Variants in AOPEP observed in about 807,000 individuals in gnomAD.
AOPEP encodes the protein aminopeptidase O (putative), also known as aminopeptidase O.
AOPEP carries 77 observed loss-of-function variants against 98.1 expected under a neutral mutation model. That is an observed-to-expected ratio of 0.78 (90% CI 0.65 to 0.95). The LOEUF is 0.95. AOPEP is among the 40% of genes least tolerant of loss of function. AOPEP has a pLI of 0.00. For synonymous variants in AOPEP, 346 were observed against 365.3 expected, an observed-to-expected ratio of 0.95 and a Z score of 0.60; for missense variants, 1,024 against 1,024.7, an observed-to-expected ratio of 1.00 and a Z score of 0.01.
At chr9:94,968,898 A>G (rs532212434) in intron 10 of AOPEP, among the ~76,000 whole-genome samples, 1 of 152,204 alleles carries the variant, frequency 6.6e-6, no homozygotes, top group Non-Finnish European at 1.5e-5. Context: ...AGTGATTATT[A>G]TAAGCCAACA....
At chr9:95,074,803 C>G (rs115540419) in intron 14 of AOPEP, among the ~76,000 whole-genome samples, 2,288 of 152,324 alleles carry the variant, frequency 0.015, 60 homozygotes, top group African/African-American at 0.052. Context: ...GGAGGCCAGC[C>G]AGGCCCAGGC....
intron 6 of AOPEP, among the ~76,000 whole-genome samples, chr9:94,925,881 C>G (rs770041291): frequency 2.6e-5 from 4 of 152,362 alleles, no homozygotes; most frequent in Non-Finnish European, 5.9e-5. Context: ...AATGCCAAAG[C>G]TTGCAGGGTG....
rs550933618 is a variant in AOPEP at position 94,997,308 on chromosome 9, C to T, written c.1978-7850C>T. On this transcript the variant is annotated intron_variant, in intron 11 of 16. Coordinates refer to ENST00000375315, the MANE Select transcript of AOPEP (RefSeq NM_001193329.3). The stretch of plus-strand genomic sequence containing the variant: ...GTGACTCCTGGTTTGGACCACCAGC[C>T]CATCCTGCCCAACATTGTGTCTGCC... 3.9e-5 allele frequency among the ~76,000 whole-genome samples: 6 copies of T among 152,282 alleles called. No individual in the cohort carries two copies. The South Asian group carries it at 1.2e-3, about 32-fold the overall frequency.
chr9:95,129,239 A>G, the AOPEP span, among the ~76,000 whole-genome samples: 9 of 152,176 alleles, frequency 5.9e-5, no homozygotes, highest in African/African-American at 2.2e-4. Flanking sequence ...GACACTCTTT[A>G]TACTTTTTGA....
the AOPEP span, chr9:95,107,224 T>C: frequency 6.2e-7 from 1 of 1,614,146 alleles, no homozygotes; most frequent in Non-Finnish European, 8.5e-7. Context: ...AGGCTGCTGC[T>C]TCTGGACATT....
intron 2 of AOPEP, among the ~76,000 whole-genome samples, chr9:94,766,337 G>C (rs1336204822): frequency 1.3e-5 from 2 of 152,196 alleles, no homozygotes; most frequent in African/African-American, 4.8e-5. Context: ...AGGAGATCGA[G>C]ACCATCCTGG....
At chr9:95,008,704 T>G (rs1049090629) in intron 13 of AOPEP, among the ~76,000 whole-genome samples, 3 of 152,344 alleles carry the variant, frequency 2.0e-5, no homozygotes, top group East Asian at 1.9e-4. Context: ...TTTCCCCGCC[T>G]TCTGCTTCCA....
chr9:95,089,576 C>T (rs1348554514), downstream of AOPEP, among the ~76,000 whole-genome samples: 2 of 152,220 alleles, frequency 1.3e-5, no homozygotes, highest in Non-Finnish European at 2.9e-5. Flanking sequence ...CTGCTGAAGC[C>T]TCCGTGTCCA....
chr9:94,762,190 G>A (rs904752445), intron 2 of AOPEP, among the ~76,000 whole-genome samples: 42 of 152,332 alleles, frequency 2.8e-4, no homozygotes, highest in African/African-American at 1.0e-3. Flanking sequence ...GCTCACGCCT[G>A]TAATCCCAGC....
chr9:94,896,232 G>A (rs1374674252), intron 5 of AOPEP, among the ~76,000 whole-genome samples: 2 of 152,148 alleles, frequency 1.3e-5, no homozygotes, highest in Non-Finnish European at 2.9e-5. Context: ...CAAACAAACA[G>A]TTATAATGGA....
chr9:94,883,542 C>A (rs1326125796), intron 5 of AOPEP, among the ~76,000 whole-genome samples: 2 of 152,110 alleles, frequency 1.3e-5, no homozygotes, highest in Non-Finnish European at 2.9e-5. Context: ...AGAAGAAACT[C>A]CTCAGGTTTT....
At chr9:94,760,635 G>C (rs1029081021) in intron 2 of AOPEP, 55 bp downstream of exon 2, 123 of 1,400,250 alleles carry the variant, frequency 8.8e-5, no homozygotes, top group Admixed American at 1.9e-4. Flanking sequence ...TACGCTGCGG[G>C]GATGCTTTCA....
chr9:94,957,559 G>C (rs1012034033), intron 9 of AOPEP, among the ~76,000 whole-genome samples: 1 of 152,154 alleles, frequency 6.6e-6, no homozygotes, highest in African/African-American at 2.4e-5. Context: ...ACTTTATTGA[G>C]ATAAAATTCA....
At chr9:95,053,997 G>A (rs2066612841) in intron 13 of AOPEP, among the ~76,000 whole-genome samples, 1 of 152,158 alleles carries the variant, frequency 6.6e-6, no homozygotes, top group African/African-American at 2.4e-5. Context: ...TTACAGGTGT[G>A]AGCTACCACT....
intron 5 of AOPEP, among the ~76,000 whole-genome samples, chr9:94,884,812 C>T (rs2048004064): frequency 6.8e-6 from 1 of 146,474 alleles, no homozygotes; most frequent in Admixed American, 6.8e-5. Context: ...GAGATCGAGA[C>T]CATCCTGGCC....
At chr9:95,105,842 G>A in the AOPEP span, among the ~76,000 whole-genome samples, 1 of 152,170 alleles carries the variant, frequency 6.6e-6, no homozygotes, top group Non-Finnish European at 1.5e-5. Context: ...ACTCTCTTGT[G>A]GGTACAGATC....
intron 2 of AOPEP, among the ~76,000 whole-genome samples, chr9:94,761,107 G>A (rs972318505): frequency 2.0e-5 from 3 of 151,062 alleles, no homozygotes; most frequent in African/African-American, 7.4e-5. Flanking sequence ...TTCATGTAAC[G>A]TGACCCCCCC....
intron 7 of AOPEP, among the ~76,000 whole-genome samples, chr9:94,952,806 G>A (rs7852735): frequency 0.029 from 4,374 of 152,290 alleles, 228 homozygotes; most frequent in African/African-American, 0.1. Flanking sequence ...AATCTCTTGG[G>A]GACTTGTATA....
intron 13 of AOPEP, among the ~76,000 whole-genome samples, chr9:95,015,088 C>T (rs1021332088): frequency 3.9e-5 from 6 of 152,218 alleles, no homozygotes; most frequent in African/African-American, 7.2e-5. Flanking sequence ...CATTTTTACC[C>T]GAGGCTACCC....
Sources: allele counts gnomAD v4.1 joint callset (sites outside exome capture counted in the v4.1 genomes callset), GRCh38; gene constraint gnomAD v4.1.1; transcripts MANE v1.5; gene names NCBI Gene and HGNC (gene_info 2026-07-23, HGNC 2026-07-21).